The following ARHGAP15 variants were observed in gnomAD, a reference collection of about 807,000 sequenced individuals.
ARHGAP15 encodes the protein Rho GTPase activating protein 15.
Under a neutral mutation model 63.7 loss-of-function variants are expected in ARHGAP15, and 51 were observed. That is an observed-to-expected ratio of 0.80 (90% CI 0.64 to 1.01). ARHGAP15 has a LOEUF of 1.01. ARHGAP15 is among the 50% of genes least tolerant of loss of function. The probability of loss-of-function intolerance (pLI) is 0.00; values close to 1 mark genes in which losing one functional copy is unlikely to be tolerated. For missense variants in ARHGAP15, 560 were observed against 564.6 expected (o/e 0.99, Z 0.08); for synonymous variants, 191 against 193.8 (o/e 0.99, Z 0.12).
chr2:143,519,175 T>C (rs1693951788), intron 9 of ARHGAP15, 91 bp from the exon 10 acceptor site: 3 of 968,496 alleles, frequency 3.1e-6, no homozygotes, highest in Non-Finnish European at 4.8e-6. Context: ...AAGATGAAGA[T>C]TTCAGCATGC....
chr2:143,321,907 G>A (rs563766518), intron 6 of ARHGAP15, among the ~76,000 whole-genome samples: 1 of 152,266 alleles, frequency 6.6e-6, no homozygotes, highest in Admixed American at 6.5e-5. Context: ...TGAAGCCTTG[G>A]CCTCAAGCAA....
intron 8 of ARHGAP15, among the ~76,000 whole-genome samples, chr2:143,461,486 A>T (rs180733807): frequency 6.6e-6 from 1 of 152,098 alleles, no homozygotes; most frequent in South Asian, 2.1e-4. Context: ...ACATTTCTTC[A>T]TTTGGGCTAA....
intron 10 of ARHGAP15, among the ~76,000 whole-genome samples, chr2:143,519,931 A>T (rs551759102): frequency 7.9e-5 from 12 of 152,336 alleles, no homozygotes; most frequent in African/African-American, 2.9e-4. Flanking sequence ...ATCTTACTGA[A>T]GGGAACAAAA....
At chr2:143,708,575 T>G (rs1684434088) in intron 13 of ARHGAP15, among the ~76,000 whole-genome samples, 1 of 152,094 alleles carries the variant, frequency 6.6e-6, no homozygotes, top group African/African-American at 2.4e-5. Context: ...CTTTTCTGTC[T>G]CAGACACCCT....
At chr2:143,243,572 G>A (rs1693945143) in intron 5 of ARHGAP15, among the ~76,000 whole-genome samples, 1 of 151,980 alleles carries the variant, frequency 6.6e-6, no homozygotes, top group Non-Finnish European at 1.5e-5. Context: ...TGATCCATTG[G>A]CATCATGCTG....
intron 9 of ARHGAP15, among the ~76,000 whole-genome samples, chr2:143,497,561 A>T (rs182747199): frequency 1.3e-5 from 2 of 152,306 alleles, no homozygotes; most frequent in East Asian, 3.9e-4. Context: ...GCAGTGGAAG[A>T]TTCTTCAGCT....
chr2:143,143,124 C>G (rs758035142), intron 1 of ARHGAP15, among the ~76,000 whole-genome samples: 1 of 152,062 alleles, frequency 6.6e-6, no homozygotes, highest in Non-Finnish European at 1.5e-5. Context: ...ACCATCTCCT[C>G]CTCTGCCTCT....
chr2:143,669,860 G>T (rs1173203091), intron 12 of ARHGAP15, among the ~76,000 whole-genome samples: 3 of 152,172 alleles, frequency 2.0e-5, no homozygotes, highest in East Asian at 3.8e-4. Flanking sequence ...AGGGAGCCAG[G>T]ATATATCTGA....
At chr2:143,588,695 G>A (rs1041770758) in intron 11 of ARHGAP15, among the ~76,000 whole-genome samples, 41 of 152,264 alleles carry the variant, frequency 2.7e-4, no homozygotes, top group African/African-American at 9.6e-4. Context: ...GTATCCCATG[G>A]AAATTTTTAG....
At chr2:143,286,138 C>T (rs775393567) in intron 6 of ARHGAP15, among the ~76,000 whole-genome samples, 1 of 152,142 alleles carries the variant, frequency 6.6e-6, no homozygotes, top group African/African-American at 2.4e-5. Context: ...CTTTCAAATG[C>T]AATACAACAT....
intron 8 of ARHGAP15, among the ~76,000 whole-genome samples, chr2:143,484,583 A>G (rs1418266159): frequency 1.3e-5 from 2 of 152,122 alleles, no homozygotes; most frequent in African/African-American, 4.8e-5. Flanking sequence ...CACAGGCCAT[A>G]TACATGTTAT....
chr2:143,362,018 C>T (rs552342131), intron 6 of ARHGAP15, among the ~76,000 whole-genome samples: 4 of 152,258 alleles, frequency 2.6e-5, no homozygotes, highest in Admixed American at 2.6e-4. Flanking sequence ...TCCTGGAAGC[C>T]TACCTACAAG....
At chr2:143,430,716 T>C (rs1303355824) in intron 6 of ARHGAP15, among the ~76,000 whole-genome samples, 5 of 152,084 alleles carry the variant, frequency 3.3e-5, no homozygotes. Flanking sequence ...TAACTTTTTA[T>C]TTTTACTTAA....
intron 10 of ARHGAP15, among the ~76,000 whole-genome samples, chr2:143,547,642 A>G (rs1695388016): frequency 6.6e-6 from 1 of 151,934 alleles, no homozygotes. Context: ...ATAATGAGGC[A>G]AGACAGTGGT....
At chr2:143,741,605 GA>G (rs1350647594) in intron 13 of ARHGAP15, among the ~76,000 whole-genome samples, 2 of 152,182 alleles carry the variant, frequency 1.3e-5, no homozygotes, top group African/African-American at 2.4e-5. Flanking sequence ...ACATTTTTCA[GA>G]AATTGAAATG....
At chr2:143,537,406 G>T (rs554557235) in intron 10 of ARHGAP15, among the ~76,000 whole-genome samples, 57 of 152,132 alleles carry the variant, frequency 3.7e-4, no homozygotes, top group African/African-American at 6.7e-4. Flanking sequence ...GTCAATTTTG[G>T]CTTTTGTTGC....
chr2:143,468,024 C>A lies in ARHGAP15; in HGVS notation c.704-19349C>A, dbSNP rs917873507. 7.2e-5 allele frequency among the ~76,000 whole-genome samples: 11 copies of A among 151,936 alleles called. No individual in the cohort carries two copies. The East Asian group carries it at 1.7e-3, about 24-fold the overall frequency. ...TAGTTTAAGTTCATGTTTATTAGAC[C>A]TTTGCTTCCTTAAAGCTGGAAAACA... is the stretch of plus-strand genomic sequence containing the variant. On this transcript the variant is annotated intron_variant, in intron 8 of 13. Transcript: ENST00000295095.
chr2:143,341,519 A>G (rs1685056085), intron 6 of ARHGAP15, among the ~76,000 whole-genome samples: 1 of 152,156 alleles, frequency 6.6e-6, no homozygotes, highest in Admixed American at 6.6e-5. Flanking sequence ...TCCCAGCTTC[A>G]GATTCCCCAT....
chr2:143,301,627 A>G (rs1422276615), intron 6 of ARHGAP15, among the ~76,000 whole-genome samples: 2 of 151,970 alleles, frequency 1.3e-5, no homozygotes, highest in Admixed American at 6.6e-5. Flanking sequence ...TAATGCTAAT[A>G]TAGCACCATT....
Sources: allele counts gnomAD v4.1 joint callset (sites outside exome capture counted in the v4.1 genomes callset), GRCh38; gene constraint gnomAD v4.1.1; transcripts MANE v1.5; gene names NCBI Gene and HGNC (gene_info 2026-07-23, HGNC 2026-07-21).